The following FCHO2 variants were observed in gnomAD, a reference collection of about 807,000 sequenced individuals.
The protein encoded by FCHO2 is FCH and mu domain containing endocytic adaptor 2.
A neutral mutation model predicts 114.1 loss-of-function variants in FCHO2; 43 were observed. The observed-to-expected ratio is 0.38, with a 90% confidence interval of 0.30 to 0.49. The LOEUF (loss-of-function observed/expected upper bound fraction) is 0.49. Ranked by LOEUF, FCHO2 falls within the 20% of genes least tolerant of loss-of-function variation. FCHO2 has a pLI of 0.97. For synonymous variants in FCHO2, 293 were observed against 315.2 expected (o/e 0.93, Z 0.75); for missense variants, 807 against 950.4 (o/e 0.85, Z 1.98).
At chr5:73,009,794 C>A (rs1270550651) in intron 6 of FCHO2, among the ~76,000 whole-genome samples, 1 of 152,198 alleles carries the variant, frequency 6.6e-6, no homozygotes, top group African/African-American at 2.4e-5. Context: ...AACTCGGCCT[C>A]CCAAAATGCT....
chr5:72,967,691 C>T (rs1752277713), intron 1 of FCHO2, among the ~76,000 whole-genome samples: 1 of 152,206 alleles, frequency 6.6e-6, no homozygotes. Context: ...GTGATTTCAG[C>T]TCACTGCAAC....
At chr5:73,053,567 C>A (rs1056834008) in intron 13 of FCHO2, among the ~76,000 whole-genome samples, 1 of 151,988 alleles carries the variant, frequency 6.6e-6, no homozygotes, top group African/African-American at 2.4e-5. Flanking sequence ...TGGTGGCATG[C>A]GCCTTTGGTC....
intron 7 of FCHO2, among the ~76,000 whole-genome samples, chr5:73,016,934 T>C (rs929575235): frequency 6.6e-6 from 1 of 152,030 alleles, no homozygotes. Flanking sequence ...ATAAGTCTTA[T>C]CATAAGAATG....
intron 5 of FCHO2, among the ~76,000 whole-genome samples, chr5:72,994,603 A>G (rs565379803): frequency 3.3e-4 from 50 of 152,218 alleles, no homozygotes; most frequent in Non-Finnish European, 5.9e-4. Flanking sequence ...AAACAGAACT[A>G]CCATTCACCC....
chr5:72,976,536 G>A (rs910816038), intron 2 of FCHO2, among the ~76,000 whole-genome samples: 6 of 152,082 alleles, frequency 3.9e-5, no homozygotes, highest in African/African-American at 1.4e-4. Context: ...TTATTTGCCA[G>A]CTGTGTATCT....
At chr5:72,999,758 A>G (rs1166513071) in intron 5 of FCHO2, among the ~76,000 whole-genome samples, 2 of 152,168 alleles carry the variant, frequency 1.3e-5, no homozygotes, top group African/African-American at 4.8e-5. Flanking sequence ...CTCATTTTAT[A>G]TGTATATGCT....
At chr5:73,013,539 A>G (rs187718535) in intron 6 of FCHO2, among the ~76,000 whole-genome samples, 7 of 152,356 alleles carry the variant, frequency 4.6e-5, no homozygotes, top group African/African-American at 9.6e-5. Context: ...TTTGAGGACT[A>G]TTATTGCTCT....
At chr5:73,082,876 A>AT (rs11313621) in intron 24 of FCHO2, 51 bp downstream of exon 24, 32,993 of 1,200,078 alleles carry the variant, frequency 0.027, no homozygotes, top group South Asian at 0.031. Flanking sequence ...CTGAAAATTG[A>AT]TTTTTTTTTT....
At chr5:73,078,339 C>T in intron 22 of FCHO2, 27 bp downstream of exon 22, 1 of 1,548,530 alleles carries the variant, frequency 6.5e-7, no homozygotes, top group Non-Finnish European at 8.7e-7. Flanking sequence ...TGCAAAAATT[C>T]TAAATTAAAA....
At chr5:73,000,998 C>T (rs1211709130) in intron 5 of FCHO2, among the ~76,000 whole-genome samples, 3 of 152,152 alleles carry the variant, frequency 2.0e-5, no homozygotes, top group African/African-American at 7.2e-5. Context: ...GAATTTATAG[C>T]ATTCCTAACT....
chr5:73,079,535 C>T (rs1166836047), intron 22 of FCHO2, among the ~76,000 whole-genome samples: 1 of 152,006 alleles, frequency 6.6e-6, no homozygotes. Context: ...TAAGGTGAAT[C>T]CCTGTTAGAC....
rs772072610 is a variant in FCHO2 at position 73,081,918 on chromosome 5, A to T, written c.2116A>T (p.Ile706Leu). 3 of 1,611,098 alleles carry T rather than the reference A, an allele frequency of 1.9e-6. No individual in the cohort carries two copies. The South Asian group carries it at 3.3e-5, about 18-fold the overall frequency. Residue 706 changes from isoleucine to leucine, a missense_variant, in exon 23 of 26, where the codon ATA becomes TTA. Physicochemically the swap from Ile to Leu is conservative, Grantham distance 5 (BLOSUM62 2). Transcript: ENST00000430046. Reference sequence around the variant, plus strand: ...GGTGGCACCTAGTGTGCTTTCCAACATACAGGTGGTGGTACCAGTGGATGG... The same window carrying T: ...GGTGGCACCTAGTGTGCTTTCCAACTTACAGGTGGTGGTACCAGTGGATGG... Reference protein sequence around the residue: ...AMVAPSVLSNIQVVVPVDGGV... With the variant: ...AMVAPSVLSNLQVVVPVDGGV...
At chr5:72,981,777 C>T (rs906149707) in intron 2 of FCHO2, among the ~76,000 whole-genome samples, 11 of 152,204 alleles carry the variant, frequency 7.2e-5, no homozygotes, top group Non-Finnish European at 1.6e-4. Flanking sequence ...AGTTCTCATG[C>T]TGTGTTTTTC....
At chr5:72,956,819 C>T (rs1251970366) in intron 1 of FCHO2, among the ~76,000 whole-genome samples, 1 of 152,090 alleles carries the variant, frequency 6.6e-6, no homozygotes, top group Non-Finnish European at 1.5e-5. Flanking sequence ...TTCTTTCCAC[C>T]CCTTGTCTTA....
intron 5 of FCHO2, among the ~76,000 whole-genome samples, 171 bp downstream of exon 5, chr5:72,991,035 A>G (rs1753782439): frequency 6.6e-6 from 1 of 152,156 alleles, no homozygotes; most frequent in Non-Finnish European, 1.5e-5. Context: ...AAAGTATGTT[A>G]TCTGTGGTAA....
intron 1 of FCHO2, among the ~76,000 whole-genome samples, chr5:72,967,999 A>C (rs1752294648): frequency 6.7e-6 from 1 of 150,042 alleles, no homozygotes; most frequent in Non-Finnish European, 1.5e-5. Flanking sequence ...ATCCCGGCTC[A>C]CTGCAAGCTC....
chr5:73,058,466 C>A lies in FCHO2; in HGVS notation c.1287C>A (p.Pro429=). 1 of 1,574,014 alleles carries A rather than the reference C, an allele frequency of 6.4e-7. No individual in the cohort carries two copies. The part of the protein sequence containing the change: ...KGTSDLLAWD[P]LFGPSLDSSS... ...CCAGTGATTTACTTGCTTGGGACCC[C>A]CTATTTGGACCATCTCTTGATTCAT... The change falls in exon 17 of 26, where the codon CCC becomes CCA. Residue 429 remains proline, a synonymous_variant. Coordinates refer to ENST00000430046, the MANE Select transcript of FCHO2 (RefSeq NM_138782.3).
At chr5:72,964,657 G>A (rs187333001) in intron 1 of FCHO2, among the ~76,000 whole-genome samples, 6 of 152,210 alleles carry the variant, frequency 3.9e-5, no homozygotes, top group Non-Finnish European at 2.9e-5. Context: ...CAAAGTGCTG[G>A]GATTACAGGT....
intron 17 of FCHO2, among the ~76,000 whole-genome samples, chr5:73,062,057 TG>T (rs1757878843): frequency 6.6e-6 from 1 of 152,072 alleles, no homozygotes; most frequent in African/African-American, 2.4e-5. Flanking sequence ...TTATCGCCTA[TG>T]TTTTTTTATA....
Sources: allele counts gnomAD v4.1 joint callset (sites outside exome capture counted in the v4.1 genomes callset), GRCh38; gene constraint gnomAD v4.1.1; transcripts MANE v1.5; gene names NCBI Gene and HGNC (gene_info 2026-07-23, HGNC 2026-07-21).